UBR3: variants seen among roughly 807,000 people sequenced by gnomAD.
UBR3 encodes E3 ubiquitin-protein ligase UBR3.
A neutral mutation model predicts 243.2 loss-of-function variants in UBR3; 85 were observed. That is an observed-to-expected ratio of 0.35 (90% CI 0.29 to 0.42). UBR3 has a LOEUF of 0.42. Ranked by LOEUF, UBR3 falls within the 10% of genes least tolerant of loss-of-function variation. UBR3 has a pLI of 1.00. For synonymous variants in UBR3, 748 were observed against 799.8 expected, an observed-to-expected ratio of 0.94 and a Z score of 1.09; for missense variants, 1,686 against 2,300.8, an observed-to-expected ratio of 0.73 and a Z score of 5.47.
intron 32 of UBR3, among the ~76,000 whole-genome samples, chr2:170,048,327 G>C (rs13014985): frequency 0.43 from 65,325 of 151,950 alleles, 15,418 homozygotes; most frequent in Non-Finnish European, 0.54. Flanking sequence ...GAGGGTTTTT[G>C]TGTCTTCTAC....
At chr2:169,904,563 GGT>G (rs894061664) in intron 8 of UBR3, among the ~76,000 whole-genome samples, 6 of 151,414 alleles carry the variant, frequency 4.0e-5, no homozygotes, top group African/African-American at 9.7e-5. Context: ...TTAAGAAGTT[GGT>G]GTGTGTGTGT....
chr2:170,031,074 G>A (rs1373268567), intron 31 of UBR3, among the ~76,000 whole-genome samples: 1 of 152,002 alleles, frequency 6.6e-6, no homozygotes, highest in Non-Finnish European at 1.5e-5. Context: ...GAGGTTACAA[G>A]TGTGAGCCAC....
At chr2:170,001,278 G>A in intron 26 of UBR3, 26 bp from the exon 27 acceptor site, 1 of 1,480,400 alleles carries the variant, frequency 6.8e-7, no homozygotes, top group Non-Finnish European at 9.4e-7. Context: ...AAAATTAATT[G>A]TATTTGTCTT....
At chr2:169,861,030 G>A (rs927904334) in intron 1 of UBR3, among the ~76,000 whole-genome samples, 7 of 152,318 alleles carry the variant, frequency 4.6e-5, no homozygotes, top group African/African-American at 1.4e-4. Context: ...ATCCAGCACG[G>A]GAGAAAGATG....
chr2:169,868,271 T>A (rs566527110), intron 1 of UBR3, among the ~76,000 whole-genome samples: 2 of 152,284 alleles, frequency 1.3e-5, no homozygotes, highest in Admixed American at 1.3e-4. Flanking sequence ...TTGAAGCAGG[T>A]CCCATATATT....
intron 31 of UBR3, among the ~76,000 whole-genome samples, chr2:170,036,700 T>G (rs1006995372): frequency 1.3e-5 from 2 of 152,126 alleles, no homozygotes; most frequent in African/African-American, 4.8e-5. Context: ...GGCATCTTAT[T>G]GTTTAAAATT....
intron 24 of UBR3, among the ~76,000 whole-genome samples, chr2:169,975,941 A>G (rs552791035): frequency 1.3e-5 from 2 of 152,058 alleles, no homozygotes; most frequent in South Asian, 4.1e-4. Context: ...ATCATTATAT[A>G]ATGACCATTT....
intron 32 of UBR3, among the ~76,000 whole-genome samples, chr2:170,049,830 A>C (rs1243576184): frequency 6.6e-6 from 1 of 152,170 alleles, no homozygotes; most frequent in Non-Finnish European, 1.5e-5. Context: ...TATCTATCCT[A>C]ATGCCCACTT....
chr2:169,932,234 C>G (rs190567203), intron 18 of UBR3, among the ~76,000 whole-genome samples: 1 of 151,810 alleles, frequency 6.6e-6, no homozygotes, highest in African/African-American at 2.4e-5. Flanking sequence ...TGCGCCACCA[C>G]GCCTGGTTAA....
intron 26 of UBR3, among the ~76,000 whole-genome samples, chr2:169,996,528 T>G (rs904138179): frequency 1.3e-5 from 2 of 152,092 alleles, no homozygotes; most frequent in Non-Finnish European, 2.9e-5. Flanking sequence ...GTTAGACAGT[T>G]TGGGTTAGGT....
intron 29 of UBR3, among the ~76,000 whole-genome samples, chr2:170,012,315 A>G (rs1018319609): frequency 6.6e-6 from 1 of 152,142 alleles, no homozygotes; most frequent in South Asian, 2.1e-4. Context: ...AGAATCTTAT[A>G]ATTGGTTACA....
chr2:170,012,518 G>T (rs2090115107), intron 29 of UBR3, among the ~76,000 whole-genome samples: 1 of 152,074 alleles, frequency 6.6e-6, no homozygotes, highest in Non-Finnish European at 1.5e-5. Flanking sequence ...ATATCATATA[G>T]AGAAAGCACT....
intron 35 of UBR3, among the ~76,000 whole-genome samples, chr2:170,066,993 T>TAATAATAATCATAATAATAAA (rs71006067): frequency 6.9e-6 from 1 of 144,228 alleles, no homozygotes; most frequent in Non-Finnish European, 1.5e-5. Flanking sequence ...ATAATAATAA[T>TAATAATAATCATAATAATAAA]AAACTTCATT....
chr2:169,914,179 G>T, intron 11 of UBR3, 33 bp downstream of exon 11: 1 of 1,268,876 alleles, frequency 7.9e-7, no homozygotes, highest in South Asian at 1.6e-5. Flanking sequence ...TAAATTTTTT[G>T]ATGTATGTAA....
intron 32 of UBR3, among the ~76,000 whole-genome samples, chr2:170,048,166 G>A (rs2091132949): frequency 6.6e-6 from 1 of 152,166 alleles, no homozygotes. Context: ...TAGGATCATT[G>A]TGAGGATCAT....
intron 32 of UBR3, among the ~76,000 whole-genome samples, chr2:170,044,374 T>C (rs2091034781): frequency 6.6e-6 from 1 of 152,166 alleles, no homozygotes; most frequent in African/African-American, 2.4e-5. Flanking sequence ...TTTTAATGCT[T>C]AGCATTGTTT....
intron 19 of UBR3, among the ~76,000 whole-genome samples, chr2:169,941,739 AG>A (rs2086598214): frequency 6.6e-6 from 1 of 152,246 alleles, no homozygotes; most frequent in South Asian, 2.1e-4. Flanking sequence ...CCATATTTTC[AG>A]GCATCTACTG....
At chr2:170,018,686 G>A (rs1040479307) in intron 30 of UBR3, among the ~76,000 whole-genome samples, 1 of 152,296 alleles carries the variant, frequency 6.6e-6, no homozygotes, top group Non-Finnish European at 1.5e-5. Flanking sequence ...CAAGGCATTT[G>A]AACAAGACTT....
chr2:169,911,705 C>T (rs7593011), intron 10 of UBR3, among the ~76,000 whole-genome samples: 17,173 of 151,952 alleles, frequency 0.11, 1,195 homozygotes, highest in Admixed American at 0.19. Flanking sequence ...TTTACACTTG[C>T]GCTAAGAGCA....
Sources: gnomAD v4.1 joint callset for allele counts (sites outside exome capture counted in the v4.1 genomes callset) on GRCh38, gnomAD v4.1.1 for gene constraint, MANE v1.5 for transcripts, NCBI Gene and HGNC (gene_info 2026-07-23, HGNC 2026-07-21) for gene names.